Variants in PTGER4 observed in about 807,000 individuals in gnomAD.
PTGER4 encodes prostaglandin E2 receptor EP4 subtype.
Under a neutral mutation model 33.2 loss-of-function variants are expected in PTGER4, and 11 were observed. The ratio of observed to expected loss-of-function variants is 0.33; its 90% CI spans 0.21 to 0.55. PTGER4 has a LOEUF of 0.55. Among genes scored for constraint, PTGER4 ranks in the 20% least tolerant of loss-of-function variants. PTGER4 has a pLI of 0.92. For missense variants in PTGER4, 481 were observed against 650.2 expected (o/e 0.74, Z 2.83); for synonymous variants, 275 against 281.5 (o/e 0.98, Z 0.23).
the PTGER4 span, among the ~76,000 whole-genome samples, chr5:40,720,935 GTTTT>G: frequency 1.3e-5 from 2 of 152,200 alleles, no homozygotes; most frequent in African/African-American, 2.4e-5. Flanking sequence ...TGTCTTGCCT[GTTTT>G]TTGGACCACT....
In PTGER4 at chr5:40,691,914, A is replaced by G. The variant is rs780311407; in HGVS notation, c.1003A>G (p.Thr335Ala). The G allele has an allele frequency of 6.2e-7, 1 of 1,614,252 alleles. No individual in the cohort carries two copies. Among genetic ancestry groups the G allele is most frequent in the Admixed American group, 1.7e-5 (1 of 60,038 alleles). Residue 335 changes from threonine to alanine, a missense_variant, in exon 3 of 3, where the codon ACA (threonine) becomes GCA (alanine). This residue lies in a region of PTGER4 where 172 missense variants were observed against 199.2 expected (regional missense o/e 0.86). Transcript: ENST00000302472. The surrounding 1 kb of genome is among the most constrained non-coding windows in gnomAD (Gnocchi z 4.2). ...CTGGATATATATCCTCCTGAGAAAG[A>G]CAGTGCTCAGTAAAGCAATAGAGAA... ...DPWIYILLRK[T>A]VLSKAIEKIK...
rs1741239797 is a variant in PTGER4 at position 40,683,148 on chromosome 5, G to A, written c.867+1288G>A. 6.6e-6 allele frequency among the ~76,000 whole-genome samples: 1 copy of A among 152,168 alleles called. No homozygotes were observed. Among genetic ancestry groups the A allele is most frequent in the South Asian group, 2.1e-4 (1 of 4,834 alleles). The stretch of plus-strand genomic sequence containing the variant: ...GAGATAACTGCTTTTTCTTATGCTT[G>A]TTGGGAACAAGAGAATATAAAATGT... On this transcript the variant is annotated intron_variant, in intron 2 of 2. Transcript: ENST00000302472. This position sits in a 1 kb window ranked among gnomAD's most constrained non-coding sequence, Gnocchi z 4.2.
chr5:40,701,679 G>A, the PTGER4 span, among the ~76,000 whole-genome samples: 1 of 152,060 alleles, frequency 6.6e-6, no homozygotes, highest in Non-Finnish European at 1.5e-5. Context: ...GAAATACAGA[G>A]AATTCCTATA....
chr5:40,742,592 A>G, the PTGER4 span, among the ~76,000 whole-genome samples: 51 of 152,318 alleles, frequency 3.3e-4, 1 homozygote, highest in African/African-American at 1.2e-3. Flanking sequence ...TTATTTTCCT[A>G]TTGCATAAAC....
intron 2 of PTGER4, among the ~76,000 whole-genome samples, chr5:40,686,386 C>T (rs1741323404): frequency 6.6e-6 from 1 of 152,180 alleles, no homozygotes. Flanking sequence ...AACTATATCC[C>T]AAAGCTACCT....
At chr5:40,709,188 T>C in the PTGER4 span, among the ~76,000 whole-genome samples, 1 of 152,116 alleles carries the variant, frequency 6.6e-6, no homozygotes, top group Non-Finnish European at 1.5e-5. Context: ...GCCGGGGCAA[T>C]CAGGCAGGAG....
In PTGER4 at chr5:40,693,149, T is replaced by C. The variant is rs182212046; in HGVS notation, c.*771T>C. ...TGTATAAAATACATAGTGAAAATTGTTTAGTGATATTACATTTATTTATCC... is the reference window on the plus strand; with the variant it reads ...TGTATAAAATACATAGTGAAAATTGCTTAGTGATATTACATTTATTTATCC... On this transcript the variant is annotated 3_prime_UTR_variant, in exon 3 of 3. Transcript: ENST00000302472. 74 of 960,678 alleles carry C rather than the reference T, an allele frequency of 7.7e-5. No homozygotes were observed. The East Asian group carries it at 7.3e-3, about 95-fold the overall frequency. 59.5% of individuals were successfully genotyped at this position (960,678 alleles called of 1,614,324 possible).
chr5:40,687,046 T>G (rs1741341049), intron 2 of PTGER4, among the ~76,000 whole-genome samples: 1 of 152,174 alleles, frequency 6.6e-6, no homozygotes, highest in Non-Finnish European at 1.5e-5. Context: ...TTTTTGTTTT[T>G]GTTTTTGTTT....
At chr5:40,737,566 T>G in the PTGER4 span, among the ~76,000 whole-genome samples, 1 of 152,204 alleles carries the variant, frequency 6.6e-6, no homozygotes. Flanking sequence ...CAAAACTTTG[T>G]TTTTTTAATC....
At chr5:40,737,923 A>G in the PTGER4 span, among the ~76,000 whole-genome samples, 4 of 152,220 alleles carry the variant, frequency 2.6e-5, no homozygotes, top group East Asian at 1.9e-4. Flanking sequence ...ATACTATTGT[A>G]TGGATATACC....
chr5:40,718,116 T>C, the PTGER4 span, among the ~76,000 whole-genome samples: 1 of 151,650 alleles, frequency 6.6e-6, no homozygotes, highest in Non-Finnish European at 1.5e-5. Context: ...ATAGGCCCTT[T>C]AGAGAAGTCA....
At chr5:40,721,346 T>C in the PTGER4 span, among the ~76,000 whole-genome samples, 1 of 152,124 alleles carries the variant, frequency 6.6e-6, no homozygotes, top group African/African-American at 2.4e-5. Flanking sequence ...TACTCATGAA[T>C]TTCAAAATAT....
downstream of PTGER4, chr5:40,696,541 C>T (rs1741587128): frequency 2.3e-6 from 1 of 439,680 alleles, no homozygotes; most frequent in Non-Finnish European, 3.0e-6. Flanking sequence ...GCTTTAGCCC[C>T]AAACTGGAAG....
At chr5:40,723,262 C>T in the PTGER4 span, among the ~76,000 whole-genome samples, 1 of 151,928 alleles carries the variant, frequency 6.6e-6, no homozygotes, top group African/African-American at 2.4e-5. Flanking sequence ...CATCACCACT[C>T]CCTAATCTCA....
At chr5:40,708,585 C>T in the PTGER4 span, among the ~76,000 whole-genome samples, 1 of 152,160 alleles carries the variant, frequency 6.6e-6, no homozygotes, top group Non-Finnish European at 1.5e-5. Context: ...GGATTCACAG[C>T]CGAATTCTAC....
chr5:40,699,766 C>T, the PTGER4 span, among the ~76,000 whole-genome samples: 1 of 152,062 alleles, frequency 6.6e-6, no homozygotes, highest in Non-Finnish European at 1.5e-5. Flanking sequence ...GCAGGAACTA[C>T]AATTAACAAA....
chr5:40,704,838 T>C, the PTGER4 span, among the ~76,000 whole-genome samples: 6 of 151,932 alleles, frequency 3.9e-5, no homozygotes, highest in Non-Finnish European at 8.8e-5. Flanking sequence ...CACAAGCAAA[T>C]AGAAAAACAT....
the PTGER4 span, among the ~76,000 whole-genome samples, chr5:40,723,307 A>G: frequency 6.6e-6 from 1 of 152,144 alleles, no homozygotes; most frequent in African/African-American, 2.4e-5. Flanking sequence ...GGAAGGCCGC[A>G]GGGTCCTCTG....
the PTGER4 span, chr5:40,716,512 T>C: frequency 1.3e-6 from 2 of 1,554,476 alleles, no homozygotes; most frequent in Non-Finnish European, 1.7e-6. Flanking sequence ...GAAAATAAGG[T>C]CAGAGTTTTT....
Sources: gnomAD v4.1 joint callset for allele counts (sites outside exome capture counted in the v4.1 genomes callset) on GRCh38, gnomAD v4.1.1 for gene constraint, gnomAD v4.1.1 regional missense constraint, Gnocchi (gnomAD v3.1) non-coding constraint, MANE v1.5 for transcripts, NCBI Gene and HGNC (gene_info 2026-07-23, HGNC 2026-07-21) for gene names.